Variants in CRTAC1 observed in about 807,000 individuals in gnomAD.
CRTAC1 encodes the protein cartilage acidic protein 1, also known as acidic secreted protein in cartilage.
In CRTAC1, 37 loss-of-function variants were observed where a neutral mutation model predicts 67.8. The ratio of observed to expected loss-of-function variants is 0.55; its 90% CI spans 0.42 to 0.72. The LOEUF is 0.72. Ranked by LOEUF, CRTAC1 falls within the 30% of genes least tolerant of loss-of-function variation. CRTAC1 has a pLI of 0.00. For synonymous variants in CRTAC1, 348 were observed against 371.0 expected (o/e 0.94, Z 0.71); for missense variants, 780 against 931.6 (o/e 0.84, Z 2.12).
At position 97,969,642 on chromosome 10, in the gene CRTAC1, G is replaced by A. The variant is rs76135679; in HGVS notation, c.225-33276C>T. On this transcript the variant is annotated intron_variant, in intron 2 of 14. Transcript: ENST00000370597. ...TAGGAAGCTCTTATAATCCCTCCAC[G>A]CTCAGGAGTGATGAGATAGACCATG... Among the ~76,000 whole-genome samples, 1,395 of 152,162 alleles carry A rather than the reference G, an allele frequency of 9.2e-3. 19 individuals are homozygous for A. Among genetic ancestry groups the A allele is most frequent in the African/African-American group, 0.031 (1,268 of 41,504 alleles).
chr10:97,884,313 C>G lies in CRTAC1; in HGVS notation c.1525G>C (p.Asp509His). ...EASSVEVTWP[D>H]GKMVSRNVAS... ...ACGTTCCGGCTCACCATCTTGCCAT[C>G]TGGCCACGTCACCTCCACACTGCTG... Residue 509 changes from aspartate to histidine, a missense_variant, in exon 12 of 15, where the codon GAT (aspartate) becomes CAT (histidine). Transcript: ENST00000370597. 1 of 1,552,590 alleles carries G rather than the reference C, an allele frequency of 6.4e-7. No individual in the cohort carries two copies. Among genetic ancestry groups the G allele is most frequent in the South Asian group, 1.2e-5 (1 of 84,104 alleles).
At chr10:97,930,846 A>G (rs1004650008) in intron 3 of CRTAC1, among the ~76,000 whole-genome samples, 114 of 152,286 alleles carry the variant, frequency 7.5e-4, no homozygotes, top group Non-Finnish European at 7.5e-4. Context: ...ACAGAGCCCA[A>G]AAAAGAAAAG....
intron 1 of CRTAC1, among the ~76,000 whole-genome samples, chr10:98,011,630 A>C (rs2136695472): frequency 6.6e-6 from 1 of 152,244 alleles, no homozygotes; most frequent in Admixed American, 6.5e-5. Context: ...TTATGATTAC[A>C]CTTATTATTT....
At chr10:97,869,229 G>A (rs2050063314) in intron 14 of CRTAC1, 1 of 152,318 alleles carries the variant, frequency 6.6e-6, no homozygotes, top group Admixed American at 6.5e-5. Context: ...ATCACGGGAG[G>A]GTGCATGGGC....
intron 1 of CRTAC1, among the ~76,000 whole-genome samples, chr10:98,017,810 T>C (rs1011414238): frequency 6.6e-6 from 1 of 151,950 alleles, no homozygotes; most frequent in African/African-American, 2.4e-5. Flanking sequence ...GTGCTGAGAT[T>C]ACAGGTGTGA....
intron 3 of CRTAC1, among the ~76,000 whole-genome samples, chr10:97,933,224 T>C (rs2051028134): frequency 6.6e-6 from 1 of 152,254 alleles, no homozygotes; most frequent in Non-Finnish European, 1.5e-5. Flanking sequence ...ATCACTCAAC[T>C]GAAAAATTAA....
intron 2 of CRTAC1, among the ~76,000 whole-genome samples, chr10:97,994,186 T>C (rs942271401): frequency 1.3e-5 from 2 of 152,166 alleles, no homozygotes; most frequent in African/African-American, 2.4e-5. Context: ...TTAAATAACA[T>C]TGGGATATAT....
At chr10:98,024,233 C>A (rs546763042) in intron 1 of CRTAC1, among the ~76,000 whole-genome samples, 3 of 152,340 alleles carry the variant, frequency 2.0e-5, no homozygotes, top group Admixed American at 6.5e-5. Flanking sequence ...TTGTCCGGTG[C>A]AAACAAAGAT....
At chr10:97,987,401 A>G (rs1466744003) in intron 2 of CRTAC1, among the ~76,000 whole-genome samples, 1 of 152,186 alleles carries the variant, frequency 6.6e-6, no homozygotes, top group African/African-American at 2.4e-5. Flanking sequence ...TTTCTTGGAA[A>G]TCTAGCTGGT....
At chr10:98,019,541 T>G (rs1843074712) in intron 1 of CRTAC1, among the ~76,000 whole-genome samples, 2 of 152,200 alleles carry the variant, frequency 1.3e-5, no homozygotes. Flanking sequence ...ATGTCAACAG[T>G]GCTGAGATGG....
Position 98,029,518 on chromosome 10 carries a change from GGCGGCGGCGGCA to G in CRTAC1, c.24+919_24+930del, listed in dbSNP as rs577348846. Among the ~76,000 whole-genome samples the G allele has an allele frequency of 0.011, 1,555 of 138,372 alleles. 34 individuals are homozygous for G. The highest frequency in any genetic ancestry group is 0.048 in the African/African-American group (1,394 of 29,054). 90.8% of individuals were successfully genotyped at this position (138,372 alleles called of 152,430 possible). On this transcript the variant is annotated intron_variant, in intron 1 of 14. Transcript: ENST00000370597. The surrounding 1 kb of genome is among the most constrained non-coding windows in gnomAD (Gnocchi z 4.7). ...CGGCGGCGGCGGCGGCGGCGGCGGC[GGCGGCGGCGGCA>G]GCAGCAGCAATATTCATTAGTCATT... is the stretch of plus-strand genomic sequence containing the variant.
chr10:97,878,803 A>G (rs1039673712), intron 14 of CRTAC1: 5 of 960,622 alleles, frequency 5.2e-6, no homozygotes, highest in South Asian at 3.3e-5. Flanking sequence ...TGTCATCTAC[A>G]TTAGGGAAAC....
intron 2 of CRTAC1, among the ~76,000 whole-genome samples, chr10:97,988,138 TC>T (rs1277851405): frequency 6.6e-6 from 1 of 152,068 alleles, no homozygotes. Context: ...GGTCTCTGGC[TC>T]CTGTCTGTCC....
intron 2 of CRTAC1, among the ~76,000 whole-genome samples, chr10:98,008,531 G>A (rs1476026097): frequency 6.6e-6 from 1 of 152,110 alleles, no homozygotes; most frequent in East Asian, 1.9e-4. Context: ...GGCAGGGGCT[G>A]GGGGAGGAGT....
In CRTAC1 at chr10:97,895,818, C is replaced by G. The variant is rs953413827; in HGVS notation, c.1317+67G>C. ...CAAGCCAGCACCCCGGCACCTTGCC[C>G]TCACCAACTCAAGGTACCCGAGAGC... On this transcript the variant is annotated intron_variant, in intron 10 of 14. Coordinates refer to ENST00000370597, the MANE Select transcript of CRTAC1 (RefSeq NM_018058.7). The surrounding 1 kb of genome is among the most constrained non-coding windows in gnomAD (Gnocchi z 4.2). 2.6e-5 allele frequency: 36 copies of G among 1,381,854 alleles called. No individual in the cohort carries two copies. Among genetic ancestry groups the G allele is most frequent in the Non-Finnish European group, 3.6e-5 (35 of 977,232 alleles). The allele number at this position is 1,381,854 out of a possible 1,614,324, so 85.6% of individuals were successfully genotyped here.
At chr10:97,883,755 G>C (rs2050245265) in intron 12 of CRTAC1, among the ~76,000 whole-genome samples, 1 of 152,198 alleles carries the variant, frequency 6.6e-6, no homozygotes, top group African/African-American at 2.4e-5. Flanking sequence ...GATGGGTCCA[G>C]AGCTGCTCCT....
At chr10:98,020,874 A>G (rs1205116702) in intron 1 of CRTAC1, among the ~76,000 whole-genome samples, 1 of 152,172 alleles carries the variant, frequency 6.6e-6, no homozygotes, top group Non-Finnish European at 1.5e-5. Flanking sequence ...CCATGGCTGG[A>G]GTGGTGTGTT....
In CRTAC1 at chr10:97,975,212, C is replaced by T. The variant is rs540561848; in HGVS notation, c.224+35926G>A. ...TACAAATTTATATGTCGGCATTTAACACAAAATGCTCTTGGCTCAATCCCA... is the reference window on the plus strand; with the variant it reads ...TACAAATTTATATGTCGGCATTTAATACAAAATGCTCTTGGCTCAATCCCA... On this transcript the variant is annotated intron_variant, in intron 2 of 14. Transcript: ENST00000370597. This position sits in a 1 kb window ranked among gnomAD's most constrained non-coding sequence, Gnocchi z 4.8. Among the ~76,000 whole-genome samples the T allele has an allele frequency of 2.0e-5, 3 of 152,264 alleles. No homozygotes were observed. The highest frequency in any genetic ancestry group is 6.5e-5 in the Admixed American group (1 of 15,298).
chr10:97,879,657 T>C, intron 14 of CRTAC1: 1 of 1,534,118 alleles, frequency 6.5e-7, no homozygotes, highest in Non-Finnish European at 8.8e-7. Flanking sequence ...TTAGTTTTGT[T>C]TTGTTTTTTC....
Sources: gnomAD v4.1 joint callset for allele counts (sites outside exome capture counted in the v4.1 genomes callset) on GRCh38, gnomAD v4.1.1 for gene constraint, Gnocchi (gnomAD v3.1) non-coding constraint, MANE v1.5 for transcripts, NCBI Gene and HGNC (gene_info 2026-07-23, HGNC 2026-07-21) for gene names.